The following GRIP1 variants were observed in gnomAD, a reference collection of about 807,000 sequenced individuals.
The protein encoded by GRIP1 is glutamate receptor-interacting protein 1.
A neutral mutation model predicts 129.9 loss-of-function variants in GRIP1; 45 were observed. The ratio of observed to expected loss-of-function variants is 0.35; its 90% confidence interval spans 0.27 to 0.44. The LOEUF (loss-of-function observed/expected upper bound fraction) is 0.44, where lower values mean the gene tolerates loss of function less well. Among genes scored for constraint, GRIP1 ranks in the 20% least tolerant of loss-of-function variants. The pLI is 1.00. For synonymous variants in GRIP1, 530 were observed against 520.8 expected (o/e 1.02, Z -0.24); for missense variants, 1,196 against 1,396.8 (o/e 0.86, Z 2.29).
chr12:66,524,487 A>C (rs995996904), intron 5 of GRIP1, among the ~76,000 whole-genome samples: 3 of 152,144 alleles, frequency 2.0e-5, no homozygotes, highest in Non-Finnish European at 2.9e-5. Context: ...CAATGAGAAC[A>C]AAGACACAAC....
intron 1 of GRIP1, among the ~76,000 whole-genome samples, chr12:66,946,330 C>T (rs2041667526): frequency 6.6e-6 from 1 of 152,104 alleles, no homozygotes; most frequent in Non-Finnish European, 1.5e-5. Flanking sequence ...TAACCTAAAC[C>T]CAGTAGAGGT....
At chr12:66,442,910 A>T (rs1471889180) in intron 13 of GRIP1, among the ~76,000 whole-genome samples, 1 of 152,296 alleles carries the variant, frequency 6.6e-6, no homozygotes, top group South Asian at 2.1e-4. Context: ...CTTTTTAAAA[A>T]ATATAAGCTT....
At chr12:66,828,969 T>C (rs1257421776) in intron 1 of GRIP1, among the ~76,000 whole-genome samples, 3 of 152,196 alleles carry the variant, frequency 2.0e-5, no homozygotes, top group African/African-American at 7.2e-5. Flanking sequence ...CTTTATCATT[T>C]CAGAGAGACT....
chr12:66,928,801 A>T lies in GRIP1; in HGVS notation c.58+140249T>A, dbSNP rs552678862. Among the ~76,000 whole-genome samples the T allele has an allele frequency of 4.6e-5, 7 of 152,356 alleles. No homozygotes were observed. In the South Asian group the frequency reaches 6.2e-4, roughly 14 times the overall value. On this transcript the variant is annotated intron_variant, in intron 1 of 1. Transcript: ENST00000643019. ...TTCTAGTGCAGAATATTATTGACATATACATTTTCCCAAACCCTTAGTGAA... is the reference window on the plus strand; with the variant it reads ...TTCTAGTGCAGAATATTATTGACATTTACATTTTCCCAAACCCTTAGTGAA...
At position 66,377,293 on chromosome 12, in the gene GRIP1, C is replaced by A; in HGVS notation, c.2622-8G>T. The A allele has an allele frequency of 6.5e-7, 1 of 1,539,892 alleles. No homozygotes were observed. The highest frequency in any genetic ancestry group is 9.0e-7 in the Non-Finnish European group (1 of 1,112,654). On this transcript the variant is annotated splice_polypyrimidine_tract_variant and splice_region_variant and intron_variant, in intron 20 of 24. Transcript: ENST00000359742. ...TCGGCAGCCCCTGCAAAACTGTTGT[C>A]AAGAAACACAGGCTGGGTTAGGAAC... is the stretch of plus-strand genomic sequence containing the variant.
rs1293223810 is a variant in GRIP1, at chr12:66,392,459, A to T, written c.2313T>A (p.His771Gln). The T allele has an allele frequency of 6.2e-7, 1 of 1,614,132 alleles. No homozygotes were observed. ...SSPKKFPISSHLSDLGDVEED... is the reference protein window; with the variant it reads ...SSPKKFPISSQLSDLGDVEED... ...CCTCCACATCCCCCAGGTCACTCAA[A>T]TGGCTAGAAATAGGGAACTTCTTGG... Residue 771 changes from histidine (H) to glutamine (Q), a missense_variant, in exon 19 of 25, where the codon CAT becomes CAA. By Grantham distance (24) the His-to-Gln change is conservative. Around this residue, in one of 5 missense-constraint regions of GRIP1, gnomAD observed 427 missense variants for 463.3 expected, o/e 0.92. Coordinates refer to ENST00000359742, the MANE Select transcript of GRIP1 (RefSeq NM_001366722.1).
chr12:66,389,776 G>A (rs1005971495), intron 19 of GRIP1, among the ~76,000 whole-genome samples: 3 of 152,238 alleles, frequency 2.0e-5, no homozygotes, highest in Admixed American at 1.3e-4. Flanking sequence ...CTGTCGGGCT[G>A]TTGTGTGATT....
At chr12:66,963,053 G>C (rs896761079) in intron 1 of GRIP1, among the ~76,000 whole-genome samples, 2 of 152,118 alleles carry the variant, frequency 1.3e-5, no homozygotes, top group Admixed American at 6.6e-5. Context: ...GCTCACACAT[G>C]TAATCCTAGC....
At chr12:66,487,290 A>G (rs1319750625) in intron 7 of GRIP1, among the ~76,000 whole-genome samples, 1 of 152,172 alleles carries the variant, frequency 6.6e-6, no homozygotes, top group African/African-American at 2.4e-5. Context: ...CTCAGTGGAA[A>G]CCCTACAAGC....
chr12:66,717,443 T>C (rs1268750588), intron 1 of GRIP1, among the ~76,000 whole-genome samples: 2 of 150,324 alleles, frequency 1.3e-5, no homozygotes, highest in Non-Finnish European at 2.9e-5. Flanking sequence ...GCTTAGAAAA[T>C]GTACGCATCT....
rs115702709 is a variant in GRIP1 at position 66,388,986 on chromosome 12, G to A, written c.2464+3322C>T. ...TTAGAGAAGAAGGAGAGAACAGTAA[G>A]GAATGTTGCTGCAAAGACATCGATT... On this transcript the variant is annotated intron_variant, in intron 19 of 24. Coordinates refer to ENST00000359742, the MANE Select transcript of GRIP1 (RefSeq NM_001366722.1). 8.0e-3 allele frequency among the ~76,000 whole-genome samples: 1,220 copies of A among 152,270 alleles called. 16 individuals carry two copies. The highest frequency in any genetic ancestry group is 0.028 in the African/African-American group (1,161 of 41,550).
chr12:66,590,627 T>G (rs1023925374), intron 2 of GRIP1, among the ~76,000 whole-genome samples: 2 of 151,078 alleles, frequency 1.3e-5, no homozygotes, highest in African/African-American at 5.0e-5. Context: ...GAATCACTCT[T>G]ATCTTGTCAA....
At chr12:66,889,921 T>G (rs2040629042) in intron 1 of GRIP1, among the ~76,000 whole-genome samples, 1 of 142,478 alleles carries the variant, frequency 7.0e-6, no homozygotes, top group Admixed American at 6.9e-5. Flanking sequence ...TCAGCTACTG[T>G]TTTTTTTTGT....
intron 2 of GRIP1, among the ~76,000 whole-genome samples, chr12:66,551,004 T>C (rs576570679): frequency 6.6e-6 from 1 of 152,222 alleles, no homozygotes; most frequent in Non-Finnish European, 1.5e-5. Flanking sequence ...TAAGCTATTA[T>C]AAAATCACAT....
chr12:66,380,859 T>C (rs756418907), intron 19 of GRIP1, among the ~76,000 whole-genome samples: 1 of 152,174 alleles, frequency 6.6e-6, no homozygotes, highest in Admixed American at 6.5e-5. Context: ...TTTACATGGA[T>C]GCGCTGGCTT....
chr12:66,809,473 G>A (rs1229337081), intron 1 of GRIP1, among the ~76,000 whole-genome samples: 1 of 151,984 alleles, frequency 6.6e-6, no homozygotes, highest in Non-Finnish European at 1.5e-5. Context: ...ATGTAGCCTT[G>A]GGAGAGATAC....
chr12:66,349,872 AC>A (rs1338482493), intron 24 of GRIP1, among the ~76,000 whole-genome samples: 2 of 151,854 alleles, frequency 1.3e-5, no homozygotes, highest in African/African-American at 4.8e-5. Context: ...TTATACATGC[AC>A]CCATCTTCTT....
intron 1 of GRIP1, among the ~76,000 whole-genome samples, chr12:66,945,967 C>A (rs11176491): frequency 0.25 from 37,698 of 152,060 alleles, 4,787 homozygotes; most frequent in East Asian, 0.3. Flanking sequence ...TGAACCTCAG[C>A]AAAGGCCCAG....
At chr12:66,489,189 T>A (rs1383047354) in intron 7 of GRIP1, among the ~76,000 whole-genome samples, 2 of 152,154 alleles carry the variant, frequency 1.3e-5, no homozygotes, top group East Asian at 1.9e-4. Flanking sequence ...TTCAGGCCAA[T>A]ATCCTTGATG....
Sources: allele counts gnomAD v4.1 joint callset (sites outside exome capture counted in the v4.1 genomes callset), GRCh38; gene constraint gnomAD v4.1.1; regional missense constraint gnomAD v4.1.1; transcripts MANE v1.5; gene names NCBI Gene and HGNC (gene_info 2026-07-23, HGNC 2026-07-21).